Variants in HMCN1 observed in about 807,000 individuals in gnomAD.
The protein encoded by HMCN1 is hemicentin-1.
In HMCN1, 321 loss-of-function variants were observed where a neutral mutation model predicts 625.9. The ratio of observed to expected loss-of-function variants is 0.51; its 90% CI spans 0.47 to 0.56. The LOEUF is 0.56. HMCN1 is among the 20% of genes least tolerant of loss of function. The pLI is 0.00. For synonymous variants in HMCN1, 2,425 were observed against 2,417.6 expected, an observed-to-expected ratio of 1.00 and a Z score of -0.09; for missense variants, 6,588 against 6,887.3, an observed-to-expected ratio of 0.96 and a Z score of 1.54.
intron 4 of HMCN1, among the ~76,000 whole-genome samples, chr1:185,903,834 G>A (rs1665948485): frequency 6.6e-6 from 1 of 151,654 alleles, no homozygotes; most frequent in Non-Finnish European, 1.5e-5. Context: ...ATGAGAAATC[G>A]AATTGCTTGC....
intron 52 of HMCN1, among the ~76,000 whole-genome samples, 164 bp from the exon 53 acceptor site, chr1:186,074,577 T>C (rs1658683852): frequency 6.6e-6 from 1 of 152,074 alleles, no homozygotes; most frequent in Admixed American, 6.6e-5. Flanking sequence ...AACAATGAGT[T>C]TAATCAAAGT....
At chr1:186,061,023 C>T (rs1209797208) in intron 46 of HMCN1, among the ~76,000 whole-genome samples, 2 of 152,072 alleles carry the variant, frequency 1.3e-5, no homozygotes, top group Admixed American at 6.6e-5. Flanking sequence ...TCTGGCCATA[C>T]TCCATCTAGC....
chr1:185,904,502 T>C (rs1489442579), intron 4 of HMCN1, among the ~76,000 whole-genome samples: 1 of 151,880 alleles, frequency 6.6e-6, no homozygotes, highest in East Asian at 1.9e-4. Context: ...TTGGCATGCA[T>C]TTCATTTTAA....
At position 186,145,657 on chromosome 1, in the gene HMCN1, A is replaced by C. The variant is rs1010654206; in HGVS notation, c.14437+84A>C. Reference sequence around the variant, plus strand: ...TAGCAGGCCTATTGCTTCAGACCTTAAAATGAAAGTTGTATAGGCAGGGGC... The same window carrying C: ...TAGCAGGCCTATTGCTTCAGACCTTCAAATGAAAGTTGTATAGGCAGGGGC... On this transcript the variant is annotated intron_variant, in intron 92 of 106. Transcript: ENST00000271588. 4 of 1,610,518 alleles carry C rather than the reference A, an allele frequency of 2.5e-6. No homozygotes were observed. In the African/African-American group the frequency reaches 4.0e-5, roughly 16 times the overall value.
intron 2 of HMCN1, among the ~76,000 whole-genome samples, chr1:185,856,324 A>G (rs1662460518): frequency 6.6e-6 from 1 of 152,148 alleles, no homozygotes; most frequent in Non-Finnish European, 1.5e-5. Flanking sequence ...CGCTGTCTCT[A>G]CTAAAAAATA....
At chr1:185,841,666 A>T (rs1661484402) in intron 1 of HMCN1, among the ~76,000 whole-genome samples, 1 of 152,236 alleles carries the variant, frequency 6.6e-6, no homozygotes, top group Admixed American at 6.5e-5. Context: ...GTATGATTAA[A>T]GCAATCAGGC....
At chr1:185,807,215 G>T (rs1659227137) in intron 1 of HMCN1, among the ~76,000 whole-genome samples, 1 of 152,076 alleles carries the variant, frequency 6.6e-6, no homozygotes, top group African/African-American at 2.4e-5. Flanking sequence ...TCCTGTTGAA[G>T]GTTACTTAGT....
At chr1:186,059,942 A>G (rs948531589) in intron 46 of HMCN1, among the ~76,000 whole-genome samples, 3 of 152,044 alleles carry the variant, frequency 2.0e-5, no homozygotes, top group Admixed American at 2.0e-4. Flanking sequence ...TAAAAGTTGT[A>G]TTGCTTTAAT....
intron 100 of HMCN1, among the ~76,000 whole-genome samples, chr1:186,170,805 G>C (rs769151235): frequency 3.9e-5 from 6 of 152,200 alleles, no homozygotes; most frequent in African/African-American, 7.2e-5. Context: ...CCTGCACACT[G>C]TTTTTGTTAC....
intron 70 of HMCN1, 32 bp from the exon 71 acceptor site, chr1:186,108,429 A>G: frequency 6.2e-7 from 1 of 1,613,976 alleles, no homozygotes; most frequent in Admixed American, 1.7e-5. Flanking sequence ...GATAATACAG[A>G]TTGCTTTTGT....
chr1:186,157,907 G>T (rs1157242204), intron 97 of HMCN1, among the ~76,000 whole-genome samples: 7 of 152,084 alleles, frequency 4.6e-5, no homozygotes, highest in Non-Finnish European at 8.8e-5. Flanking sequence ...ACATACGTGT[G>T]CATGTGTCTT....
At chr1:186,025,794 G>A (rs1041804194) in intron 36 of HMCN1, among the ~76,000 whole-genome samples, 1 of 152,180 alleles carries the variant, frequency 6.6e-6, no homozygotes, top group Admixed American at 6.5e-5. Context: ...AAGAGAAGCA[G>A]AAGGTTAGTC....
intron 4 of HMCN1, among the ~76,000 whole-genome samples, chr1:185,897,704 C>T (rs1469741819): frequency 2.0e-5 from 3 of 152,120 alleles, no homozygotes; most frequent in Non-Finnish European, 4.4e-5. Flanking sequence ...ACCTGACATA[C>T]ATTTTCTGTT....
intron 10 of HMCN1, among the ~76,000 whole-genome samples, chr1:185,930,907 T>TACACACACACACACACACAC (rs3030426): frequency 4.3e-5 from 6 of 138,956 alleles, no homozygotes; most frequent in African/African-American, 1.6e-4. Flanking sequence ...TTTCACCCAA[T>TACACACACACACACACACAC]ACACACACAC....
chr1:186,160,947 C>A (rs551811762), intron 97 of HMCN1, among the ~76,000 whole-genome samples: 10 of 152,006 alleles, frequency 6.6e-5, no homozygotes, highest in Middle Eastern at 3.4e-3. Flanking sequence ...CCACTTGGTG[C>A]AGAGCTGAGT....
At chr1:185,750,097 G>A (rs1654694350) in intron 1 of HMCN1, among the ~76,000 whole-genome samples, 1 of 152,154 alleles carries the variant, frequency 6.6e-6, no homozygotes, top group Non-Finnish European at 1.5e-5. Flanking sequence ...TAGAGATGAT[G>A]TGAATTCGTT....
chr1:186,079,775 G>A (rs968715211), intron 55 of HMCN1, among the ~76,000 whole-genome samples: 2 of 152,160 alleles, frequency 1.3e-5, no homozygotes, highest in Admixed American at 1.3e-4. Flanking sequence ...TTTTCAATTA[G>A]GAAGTCAGCA....
chr1:185,987,081 A>G (rs1325803440), intron 19 of HMCN1, among the ~76,000 whole-genome samples: 1 of 151,690 alleles, frequency 6.6e-6, no homozygotes, highest in African/African-American at 2.4e-5. Flanking sequence ...GTGATTGGAG[A>G]CATGCATTAA....
chr1:186,088,259 A>G lies in HMCN1; in HGVS notation c.9560A>G (p.Lys3187Arg), dbSNP rs1486747815. 6.2e-7 allele frequency: 1 copy of G among 1,612,890 alleles called. No individual in the cohort carries two copies. The highest frequency in any genetic ancestry group is 1.1e-5 in the South Asian group (1 of 91,070). ...CCACCTCCCACGATAGCATGGTTAA[A>G]GAACCACAAGCGCATAGGTAAGGCA... Reference protein sequence around the residue: ...GIPPPTIAWLKNHKRIENSDS... With the variant: ...GIPPPTIAWLRNHKRIENSDS... The change falls in exon 62 of 107, where the codon AAG (lysine) becomes AGG (arginine). Residue 3187 changes from lysine (K) to arginine (R), a missense_variant. Coordinates refer to ENST00000271588, the MANE Select transcript of HMCN1 (RefSeq NM_031935.3).
Sources: allele counts gnomAD v4.1 joint callset (sites outside exome capture counted in the v4.1 genomes callset), GRCh38; gene constraint gnomAD v4.1.1; transcripts MANE v1.5; gene names NCBI Gene and HGNC (gene_info 2026-07-23, HGNC 2026-07-21).